The following ROM1 variants were observed in gnomAD, a reference collection of about 807,000 sequenced individuals.
The protein encoded by ROM1 is rod outer segment membrane protein 1.
In ROM1, 17 loss-of-function variants were observed where a neutral mutation model predicts 23.0. That is an observed-to-expected ratio of 0.74 (90% CI 0.51 to 1.11). The LOEUF (loss-of-function observed/expected upper bound fraction) is 1.11. Among genes scored for constraint, ROM1 ranks in the 50% least tolerant of loss-of-function variants. ROM1 has a pLI of 0.00. For missense variants in ROM1, 436 were observed against 439.7 expected, an observed-to-expected ratio of 0.99 and a Z score of 0.08; for synonymous variants, 200 against 206.5, an observed-to-expected ratio of 0.97 and a Z score of 0.27.
chr11:62,613,313 T>C lies in ROM1; in HGVS notation c.32T>C (p.Leu11Pro). The change falls in exon 1 of 3, where the codon CTG (leucine) becomes CCG (proline). Residue 11 changes from leucine to proline, a missense_variant. Leu to Pro is a moderately conservative substitution (Grantham distance 98, BLOSUM62 -3). Transcript: ENST00000278833. The stretch of plus-strand genomic sequence containing the variant: ...CCGGTGTTGCCCCTGGTGCTGCCCC[T>C]GCAGCCCCGCATCCGCCTGGCACAA... MAPVLPLVLP[L>P]QPRIRLAQGL... 1 of 1,610,766 alleles carries C rather than the reference T, an allele frequency of 6.2e-7. No individual in the cohort carries two copies. The highest frequency in any genetic ancestry group is 8.5e-7 in the Non-Finnish European group (1 of 1,179,264).
At position 62,613,667 on chromosome 11, in the gene ROM1, T is replaced by C. The variant is rs1477494423; in HGVS notation, c.386T>C (p.Leu129Pro). ...CTAGCCCTGGCTTTGCCTGGGAGTC[T>C]GGATGAGGCGCTGGAGGAGGGCCTG... Reference protein sequence around the residue: ...LGLALALPGSLDEALEEGLVT... With the variant: ...LGLALALPGSPDEALEEGLVT... The change falls in exon 1 of 3, where the codon CTG (leucine) becomes CCG (proline). Residue 129 changes from leucine to proline, a missense_variant. Physicochemically the swap from Leu to Pro is moderately conservative, Grantham distance 98 (BLOSUM62 -3). Coordinates refer to ENST00000278833, the MANE Select transcript of ROM1 (RefSeq NM_000327.4). 2.5e-6 allele frequency: 4 copies of C among 1,614,000 alleles called. No homozygotes were observed. The highest frequency in any genetic ancestry group is 3.4e-6 in the Non-Finnish European group (4 of 1,179,924).
chr11:62,614,843 C>A lies in ROM1; in HGVS notation c.*4C>A, dbSNP rs764862827. 1.2e-6 allele frequency: 2 copies of A among 1,611,826 alleles called. No individual in the cohort carries two copies. Among genetic ancestry groups the A allele is most frequent in the African/African-American group, 1.3e-5 (1 of 74,990 alleles). On this transcript the variant is annotated 3_prime_UTR_variant, in exon 3 of 3. Coordinates refer to ENST00000278833, the MANE Select transcript of ROM1 (RefSeq NM_000327.4). Reference sequence around the variant, plus strand: ...GGAGGATCTATCTGAGGCCTAGAGGCCTGGAGCTTGGGGTGAGGAAGAGGG... The same window carrying A: ...GGAGGATCTATCTGAGGCCTAGAGGACTGGAGCTTGGGGTGAGGAAGAGGG...
Position 62,614,933 on chromosome 11 carries a change from G to C in ROM1, c.*94G>C. The C allele has an allele frequency of 1.9e-6, 2 of 1,049,982 alleles. No individual in the cohort carries two copies. The highest frequency in any genetic ancestry group is 2.9e-6 in the Non-Finnish European group (2 of 696,372). The allele number at this position is 1,049,982 out of a possible 1,614,324, so 65.0% of individuals were successfully genotyped here. A position where few individuals can be genotyped will look rare whatever the true frequency, so the allele number is the denominator to read the frequency against. ...AGGCTCCAGGTTGGGGGGATCGTAG[G>C]ATTAGAGGGGCTAAGGATAGTCAGC... is the stretch of plus-strand genomic sequence containing the variant. On this transcript the variant is annotated 3_prime_UTR_variant, in exon 3 of 3. Transcript: ENST00000278833.
chr11:62,614,689 G>A lies in ROM1; in HGVS notation c.906G>A (p.Ala302=), dbSNP rs200213584. The A allele has an allele frequency of 5.8e-5, 94 of 1,614,200 alleles. No homozygotes were observed. The highest frequency in any genetic ancestry group is 1.6e-4 in the African/African-American group (12 of 75,056). Residue 302 remains alanine, a synonymous_variant, in exon 3 of 3, where the codon GCG becomes GCA. Transcript: ENST00000278833. The stretch of plus-strand genomic sequence containing the variant: ...AGGGGCTTGGAGGGGTCATTGATGC[G>A]GGAGGAGAGACCCAGGGCTATCTCT... The part of the protein sequence containing the change: ...ALEGLGGVID[A]GGETQGYLFP...
Position 62,613,620 on chromosome 11 carries a change from G to C in ROM1, c.339G>C (p.Gly113=), listed in dbSNP as rs757153881. 2 of 1,612,882 alleles carry C rather than the reference G, an allele frequency of 1.2e-6. No individual in the cohort carries two copies. Among genetic ancestry groups the C allele is most frequent in the South Asian group, 2.2e-5 (2 of 91,022 alleles). Residue 113 remains glycine (G), a synonymous_variant, in exon 1 of 3, where the codon GGG becomes GGC. Transcript: ENST00000278833. ...LLVAGTAGGG[G]LLVVGLGLAL... ...TGGCTGGCACGGCTGGTGGGGGGGG[G>C]CTCCTGGTCGTCGGCCTCGGGCTAG...
In ROM1 at chr11:62,614,903, T is replaced by C; in HGVS notation, c.*64T>C. On this transcript the variant is annotated 3_prime_UTR_variant, in exon 3 of 3. Transcript: ENST00000278833. ...CAAGTCTGAAAACCTCACAACTCCT[T>C]ACCAAGGCTCCAGGTTGGGGGGATC... is the stretch of plus-strand genomic sequence containing the variant. The C allele has an allele frequency of 1.5e-6, 2 of 1,344,388 alleles. No homozygotes were observed. The highest frequency in any genetic ancestry group is 2.3e-5 in the East Asian group (1 of 43,158). The allele number at this position is 1,344,388 out of a possible 1,614,324, so 83.3% of individuals were successfully genotyped here. A position where few individuals can be genotyped will look rare whatever the true frequency, so the allele number is the denominator to read the frequency against.
At position 62,614,734 on chromosome 11, in the gene ROM1, T is replaced by C. The variant is rs1942988763; in HGVS notation, c.951T>C (p.Asp317=). The change falls in exon 3 of 3, where the codon GAT becomes GAC. Residue 317 remains aspartate (D), a synonymous_variant. Coordinates refer to ENST00000278833, the MANE Select transcript of ROM1 (RefSeq NM_000327.4). ...QGYLFPSGLK[D]MLKTAWLQGG... ...ATCTCTTTCCCAGTGGGCTGAAAGA[T>C]ATGCTGAAAACAGCATGGCTACAGG... 1.2e-6 allele frequency: 2 copies of C among 1,614,152 alleles called. No homozygotes were observed. Among genetic ancestry groups the C allele is most frequent in the South Asian group, 2.2e-5 (2 of 91,080 alleles).
In ROM1 at chr11:62,614,367, T is replaced by C. The variant is rs1292725683; in HGVS notation, c.700T>C (p.Tyr234His). 1.9e-6 allele frequency: 3 copies of C among 1,614,120 alleles called. No homozygotes were observed. The highest frequency in any genetic ancestry group is 1.7e-6 in the Non-Finnish European group (2 of 1,180,006). Residue 234 changes from tyrosine (Y) to histidine (H), a missense_variant, in exon 2 of 3, where the codon TAC becomes CAC. Coordinates refer to ENST00000278833, the MANE Select transcript of ROM1 (RefSeq NM_000327.4). ...PCLQNRLSDS[Y>H]AHPLFDPRQP... ...CCTGCAAAACCGTCTTTCAGACTCC[T>C]ACGCCCACCCCCTGTTCGATCCCCG...
Position 62,614,764 on chromosome 11 carries a change from G to A in ROM1, c.981G>A (p.Gly327=). The A allele has an allele frequency of 6.2e-7, 1 of 1,614,220 alleles. No homozygotes were observed. Among genetic ancestry groups the A allele is most frequent in the South Asian group, 1.1e-5 (1 of 91,086 alleles). ...TGAAAACAGCATGGCTACAGGGAGG[G>A]GTTGCCTGCAGGCCAGCACCTGAGG... ...DMLKTAWLQG[G]VACRPAPEEA... is the part of the protein sequence containing the mutation. Residue 327 remains glycine (G), a synonymous_variant, in exon 3 of 3, where the codon GGG becomes GGA. Coordinates refer to ENST00000278833, the MANE Select transcript of ROM1 (RefSeq NM_000327.4).
At chr11:62,614,181 G>A in intron 1 of ROM1, 77 bp from the exon 2 acceptor site, 1 of 1,546,100 alleles carries the variant, frequency 6.5e-7, no homozygotes, top group Non-Finnish European at 8.9e-7. Context: ...TTTCCCTTCT[G>A]AACACCTGTG....
chr11:62,613,789 G>A lies in ROM1; in HGVS notation c.508G>A (p.Gly170Arg), dbSNP rs142496524. 6.2e-6 allele frequency: 10 copies of A among 1,614,152 alleles called. No individual in the cohort carries two copies. The East Asian group carries it at 6.7e-5, about 11-fold the overall frequency. Residue 170 changes from glycine (G) to arginine (R), a missense_variant, in exon 1 of 3, where the codon GGG becomes AGG. Coordinates refer to ENST00000278833, the MANE Select transcript of ROM1 (RefSeq NM_000327.4). ...GCTGCAACTGAGGTACCACTGCTGC[G>A]GGCGCCACGGGTACAAGGATTGGTT... Reference protein sequence around the residue: ...DELQLRYHCCGRHGYKDWFGV... With the variant: ...DELQLRYHCCRRHGYKDWFGV...
At position 62,613,815 on chromosome 11, in the gene ROM1, T is replaced by G. The variant is rs1942960564; in HGVS notation, c.534T>G (p.Phe178Leu). Residue 178 changes from phenylalanine (F) to leucine (L), a missense_variant, in exon 1 of 3, where the codon TTT becomes TTG. Physicochemically the swap from Phe to Leu is conservative, Grantham distance 22 (BLOSUM62 0). Transcript: ENST00000278833. The stretch of plus-strand genomic sequence containing the variant: ...GGCGCCACGGGTACAAGGATTGGTT[T>G]GGGGTCCAGTGGGTCAGCAGCCGTT... ...CCGRHGYKDW[F>L]GVQWVSSRYL... is the part of the protein sequence containing the mutation. 6.2e-7 allele frequency: 1 copy of G among 1,614,126 alleles called. No homozygotes were observed. Among genetic ancestry groups the G allele is most frequent in the Non-Finnish European group, 8.5e-7 (1 of 1,179,978 alleles).
rs562434504 is a variant in ROM1 at position 62,613,852 on chromosome 11, G to C, written c.571G>C (p.Gly191Arg). Residue 191 changes from glycine to arginine, a missense_variant, in exon 1 of 3, where the codon GGT becomes CGT. Transcript: ENST00000278833. ...GGTCAGCAGCCGTTACCTGGATCCC[G>C]GTGACCGGGATGTGGCTGAGTGAGT... Reference protein sequence around the residue: ...QWVSSRYLDPGDRDVADRIQS... With the variant: ...QWVSSRYLDPRDRDVADRIQS... 3 of 1,613,838 alleles carry C rather than the reference G, an allele frequency of 1.9e-6. No homozygotes were observed. The highest frequency in any genetic ancestry group is 2.5e-6 in the Non-Finnish European group (3 of 1,179,934).
Position 62,614,856 on chromosome 11 carries a change from G to T in ROM1, c.*17G>T. On this transcript the variant is annotated 3_prime_UTR_variant, in exon 3 of 3. Coordinates refer to ENST00000278833, the MANE Select transcript of ROM1 (RefSeq NM_000327.4). ...GAGGCCTAGAGGCCTGGAGCTTGGG[G>T]TGAGGAAGAGGGAGGGATGGACAAG... The T allele has an allele frequency of 6.3e-7, 1 of 1,599,132 alleles. No homozygotes were observed. The highest frequency in any genetic ancestry group is 8.6e-7 in the Non-Finnish European group (1 of 1,167,310).
chr11:62,613,387 C>T lies in ROM1; in HGVS notation c.106C>T (p.Leu36Phe), dbSNP rs749095787. The change falls in exon 1 of 3, where the codon CTC becomes TTC. Residue 36 changes from leucine to phenylalanine, a missense_variant. Physicochemically the swap from Leu to Phe is conservative, Grantham distance 22 (BLOSUM62 0). Coordinates refer to ENST00000278833, the MANE Select transcript of ROM1 (RefSeq NM_000327.4). ...GCTGGCGCTGGCTGGTGGCGTCATC[C>T]TCCTCTGTAGTGGGCACCTCCTGGT... is the stretch of plus-strand genomic sequence containing the variant. Reference protein sequence around the residue: ...WLLALAGGVILLCSGHLLVQL... With the variant: ...WLLALAGGVIFLCSGHLLVQL... The T allele has an allele frequency of 7.4e-6, 12 of 1,613,534 alleles. No homozygotes were observed. Among genetic ancestry groups the T allele is most frequent in the Non-Finnish European group, 1.0e-5 (12 of 1,179,818 alleles).
Position 62,613,887 on chromosome 11 carries a change from C to T in ROM1, c.590+16C>T, listed in dbSNP as rs546981440. ...ATGTGGCTGAGTGAGTGATTTGCGT[C>T]TCCCTTCCTCCTCCTCCTCCTCCCT... is the stretch of plus-strand genomic sequence containing the variant. On this transcript the variant is annotated intron_variant, in intron 1 of 2. Transcript: ENST00000278833. 2 of 1,613,422 alleles carry T rather than the reference C, an allele frequency of 1.2e-6. No homozygotes were observed. The highest frequency in any genetic ancestry group is 2.7e-5 in the African/African-American group (2 of 74,974).
In ROM1 at chr11:62,613,571, G is replaced by A. The variant is rs112384116; in HGVS notation, c.290G>A (p.Arg97Gln). ...SLNAALYPPW[R>Q]GVLGPLLVAG... ...AATGCAGCTCTATACCCTCCCTGGCGAGGGGTCCTGGGCCCGCTGCTGGTG... is the reference window on the plus strand; with the variant it reads ...AATGCAGCTCTATACCCTCCCTGGCAAGGGGTCCTGGGCCCGCTGCTGGTG... The change falls in exon 1 of 3, where the codon CGA becomes CAA. Residue 97 changes from arginine (R) to glutamine (Q), a missense_variant. Arg to Gln is a conservative substitution (Grantham distance 43). Coordinates refer to ENST00000278833, the MANE Select transcript of ROM1 (RefSeq NM_000327.4). 13 of 1,613,634 alleles carry A rather than the reference G, an allele frequency of 8.1e-6. No individual in the cohort carries two copies. The highest frequency in any genetic ancestry group is 4.5e-5 in the East Asian group (2 of 44,876).
rs979457033 is a variant in ROM1, at chr11:62,614,797, A to T, written c.1014A>T (p.Pro338=). Residue 338 remains proline, a synonymous_variant, in exon 3 of 3, where the codon CCA becomes CCT. Coordinates refer to ENST00000278833, the MANE Select transcript of ROM1 (RefSeq NM_000327.4). ...VACRPAPEEA[P]PGEAPPKEDL... ...GCAGGCCAGCACCTGAGGAGGCCCC[A>T]CCAGGAGAAGCACCTCCCAAGGAGG... The T allele has an allele frequency of 6.2e-7, 1 of 1,614,040 alleles. No homozygotes were observed. Among genetic ancestry groups the T allele is most frequent in the African/African-American group, 1.3e-5 (1 of 74,924 alleles).
Position 62,613,418 on chromosome 11 carries a change from T to C in ROM1, c.137T>C (p.Leu46Pro). ...TGTAGTGGGCACCTCCTGGTCCAGC[T>C]AAGGCACCTTGGCACCTTCCTGGCT... Reference protein sequence around the residue: ...LLCSGHLLVQLRHLGTFLAPS... With the variant: ...LLCSGHLLVQPRHLGTFLAPS... Residue 46 changes from leucine (L) to proline (P), a missense_variant, in exon 1 of 3, where the codon CTA (leucine) becomes CCA (proline). Physicochemically the swap from Leu to Pro is moderately conservative, Grantham distance 98. Transcript: ENST00000278833. 1 of 1,613,430 alleles carries C rather than the reference T, an allele frequency of 6.2e-7. No homozygotes were observed. The highest frequency in any genetic ancestry group is 1.1e-5 in the South Asian group (1 of 90,946).
Sources: gnomAD v4.1 joint callset for allele counts on GRCh38, gnomAD v4.1.1 for gene constraint, MANE v1.5 for transcripts, NCBI Gene and HGNC (gene_info 2026-07-23, HGNC 2026-07-21) for gene names.